Variants in FARP1 observed in about 807,000 individuals in gnomAD.
The protein encoded by FARP1 is FERM, ARHGEF and pleckstrin domain-containing protein 1.
Under a neutral mutation model 128.8 loss-of-function variants are expected in FARP1, and 52 were observed. The observed-to-expected ratio is 0.40, with a 90% CI of 0.32 to 0.51. The LOEUF (loss-of-function observed/expected upper bound fraction) is 0.51. Among genes scored for constraint, FARP1 ranks in the 20% least tolerant of loss-of-function variants. The pLI, the probability that FARP1 is intolerant of heterozygous loss-of-function variation, is 0.45. For synonymous variants in FARP1, 580 were observed against 551.8 expected (o/e 1.05, Z -0.72); for missense variants, 1,333 against 1,367.9 (o/e 0.97, Z 0.40).
In FARP1 at chr13:98,216,786, A is replaced by G. The variant is rs138484940; in HGVS notation, c.171+3373A>G. ...TTTCCATTCTGTAGCTGTTTCCACAAGCACCTCTGTGGTTGAACTTGGACT... is the reference window on the plus strand; with the variant it reads ...TTTCCATTCTGTAGCTGTTTCCACAGGCACCTCTGTGGTTGAACTTGGACT... On this transcript the variant is annotated intron_variant, in intron 2 of 26. Transcript: ENST00000319562. 4.5e-3 allele frequency among the ~76,000 whole-genome samples: 682 copies of G among 152,306 alleles called. 7 individuals are homozygous for G. Among genetic ancestry groups the G allele is most frequent in the Non-Finnish European group, 4.9e-3 (334 of 68,026 alleles).
intron 8 of FARP1, 113 bp downstream of exon 8, chr13:98,385,927 C>A: frequency 2.6e-6 from 3 of 1,156,430 alleles, no homozygotes; most frequent in Admixed American, 5.0e-5. Flanking sequence ...TATTTTTCGG[C>A]GAACAAAGAA....
At chr13:98,293,709 T>C (rs1219555818) in intron 2 of FARP1, among the ~76,000 whole-genome samples, 1 of 152,106 alleles carries the variant, frequency 6.6e-6, no homozygotes, top group Non-Finnish European at 1.5e-5. Context: ...CAAATAGGAA[T>C]AGGAGAAGGT....
At chr13:98,254,428 G>T (rs1349304437) in intron 2 of FARP1, among the ~76,000 whole-genome samples, 1 of 152,152 alleles carries the variant, frequency 6.6e-6, no homozygotes, top group Admixed American at 6.6e-5. Flanking sequence ...AAAATGACTA[G>T]ATAACACATG....
At chr13:98,332,330 G>T (rs1314897392) in intron 2 of FARP1, 1 of 151,428 alleles carries the variant, frequency 6.6e-6, no homozygotes, top group Non-Finnish European at 1.5e-5. Flanking sequence ...TGTTTGTAAA[G>T]TTCTTTTCCA....
chr13:98,176,026 G>A lies in FARP1; in HGVS notation c.-24+32534G>A. The A allele has an allele frequency of 1.3e-6, 1 of 795,534 alleles. No individual in the cohort carries two copies. The highest frequency in any genetic ancestry group is 2.1e-6 in the Non-Finnish European group (1 of 479,030). The allele number at this position is 795,534 out of a possible 1,614,324, so 49.3% of individuals were successfully genotyped here. On this transcript the variant is annotated intron_variant, in intron 1 of 26. Coordinates refer to ENST00000319562, the MANE Select transcript of FARP1 (RefSeq NM_005766.4). This position sits in a 1 kb window ranked among gnomAD's most constrained non-coding sequence, Gnocchi z 6.2. ...ATAATTCTGCAGTGAACATGGGAGT[G>A]CACATACCTCTTTGAGATCCGGATT...
At chr13:98,425,832 C>CT (rs543627881) in intron 17 of FARP1, among the ~76,000 whole-genome samples, 3 of 152,174 alleles carry the variant, frequency 2.0e-5, no homozygotes, top group East Asian at 1.9e-4. Flanking sequence ...TGAAATCTTC[C>CT]TTTTTTTGTT....
At chr13:98,324,016 A>G (rs1454122481) in intron 2 of FARP1, among the ~76,000 whole-genome samples, 1 of 152,256 alleles carries the variant, frequency 6.6e-6, no homozygotes, top group African/African-American at 2.4e-5. Context: ...ATGTCTGAGG[A>G]GTTGCACATG....
chr13:98,443,193 C>T (rs1892599180), intron 24 of FARP1, among the ~76,000 whole-genome samples: 2 of 152,332 alleles, frequency 1.3e-5, no homozygotes, highest in African/African-American at 4.8e-5. Context: ...GCCCCTTGGC[C>T]TGCAAAGCCT....
chr13:98,273,400 C>T (rs1405327204), intron 2 of FARP1, among the ~76,000 whole-genome samples: 2 of 152,174 alleles, frequency 1.3e-5, no homozygotes, highest in Non-Finnish European at 2.9e-5. Flanking sequence ...TCTAGTTTAA[C>T]ATTAATGCTG....
chr13:98,175,358 C>G (rs1297491019), intron 1 of FARP1, among the ~76,000 whole-genome samples: 4 of 152,024 alleles, frequency 2.6e-5, no homozygotes, highest in Admixed American at 6.6e-5. Flanking sequence ...AAATCAAATC[C>G]AAACTTCAGC....
At position 98,290,118 on chromosome 13, in the gene FARP1, G is replaced by A. The variant is rs150850263; in HGVS notation, c.172-53644G>A. ...GTGGTGAGGTTGGGAAGGGCAGTCC[G>A]TCATCCCCAAGCCTTACTTCTGGGG... On this transcript the variant is annotated intron_variant, in intron 2 of 26. Transcript: ENST00000319562. Among the ~76,000 whole-genome samples, 199 of 150,554 alleles carry A rather than the reference G, an allele frequency of 1.3e-3. 1 individual carries two copies. The highest frequency in any genetic ancestry group is 4.8e-3 in the African/African-American group (194 of 40,828).
chr13:98,254,770 G>C (rs1364886487), intron 2 of FARP1, among the ~76,000 whole-genome samples: 1 of 152,202 alleles, frequency 6.6e-6, no homozygotes, highest in Non-Finnish European at 1.5e-5. Flanking sequence ...TCTAGAGAAT[G>C]TCCATGATGC....
At chr13:98,333,741 G>C (rs764051565) in intron 2 of FARP1, 8 of 152,174 alleles carry the variant, frequency 5.3e-5, no homozygotes, top group Non-Finnish European at 5.9e-5. Flanking sequence ...CAAGCAGGAA[G>C]AATCGCAGCA....
At chr13:98,249,058 T>C (rs149877803) in intron 2 of FARP1, among the ~76,000 whole-genome samples, 47 of 152,322 alleles carry the variant, frequency 3.1e-4, no homozygotes, top group African/African-American at 1.1e-3. Context: ...AAATTTATAT[T>C]GTTCAGTTGA....
Position 98,213,426 on chromosome 13 carries a change from C to T in FARP1, c.171+13C>T. 1 of 1,611,562 alleles carries T rather than the reference C, an allele frequency of 6.2e-7. No homozygotes were observed. Among genetic ancestry groups the T allele is most frequent in the Middle Eastern group, 1.8e-4 (1 of 5,524 alleles). ...ATTTGAAGTTCCAGTAAGTTGGGGG[C>T]TTATCTGTAACCCAGGAGTGTGGTA... On this transcript the variant is annotated intron_variant, in intron 2 of 26. Coordinates refer to ENST00000319562, the MANE Select transcript of FARP1 (RefSeq NM_005766.4).
At chr13:98,185,646 G>GT (rs5806052) in intron 1 of FARP1, among the ~76,000 whole-genome samples, 341 of 145,376 alleles carry the variant, frequency 2.3e-3, no homozygotes, top group South Asian at 3.9e-3. Context: ...CTGATAATTA[G>GT]TTTTTTTTTT....
chr13:98,395,580 A>C, intron 13 of FARP1, 104 bp downstream of exon 13: 1 of 1,365,688 alleles, frequency 7.3e-7, no homozygotes, highest in East Asian at 2.4e-5. Context: ...AAGCGTCCCG[A>C]TCCCGGTCCC....
chr13:98,183,610 C>A (rs1030772791), intron 1 of FARP1, among the ~76,000 whole-genome samples: 11 of 152,146 alleles, frequency 7.2e-5, no homozygotes, highest in African/African-American at 2.7e-4. Flanking sequence ...GCAGCAGCTT[C>A]TGTTGATTAT....
intron 1 of FARP1, among the ~76,000 whole-genome samples, chr13:98,169,806 A>G (rs1318396215): frequency 1.0e-4 from 14 of 136,416 alleles, no homozygotes; most frequent in Admixed American, 9.5e-4. Context: ...TTTTAAAATT[A>G]TGCTGGGTAT....
Sources: gnomAD v4.1 joint callset for allele counts (sites outside exome capture counted in the v4.1 genomes callset) on GRCh38, gnomAD v4.1.1 for gene constraint, Gnocchi (gnomAD v3.1) non-coding constraint, MANE v1.5 for transcripts, NCBI Gene and HGNC (gene_info 2026-07-23, HGNC 2026-07-21) for gene names.